DNAH6: variants seen among roughly 807,000 people sequenced by gnomAD.
DNAH6 encodes the protein axonemal beta dynein heavy chain 6.
In DNAH6, 340 loss-of-function variants were observed where a neutral mutation model predicts 491.4. That is an observed-to-expected ratio of 0.69 (90% CI 0.63 to 0.76). DNAH6 has a LOEUF of 0.76. DNAH6 is among the 30% of genes least tolerant of loss of function. DNAH6 has a pLI of 0.00. For synonymous variants in DNAH6, 1,603 were observed against 1,686.1 expected (o/e 0.95, Z 1.21); for missense variants, 4,443 against 4,972.2 (o/e 0.89, Z 3.20).
chr2:84,603,055 T>A (rs563026903), intron 18 of DNAH6, among the ~76,000 whole-genome samples: 6 of 152,168 alleles, frequency 3.9e-5, no homozygotes, highest in Admixed American at 6.6e-5. Context: ...TAATCATAGT[T>A]ATTTTTAATT....
At position 84,728,666 on chromosome 2, in the gene DNAH6, A is replaced by T. The variant is rs1460309011; in HGVS notation, c.10206+764A>T. Among the ~76,000 whole-genome samples, 13 of 152,276 alleles carry T rather than the reference A, an allele frequency of 8.5e-5. No individual in the cohort carries two copies. In the East Asian group the frequency reaches 1.9e-3, roughly 23 times the overall value. On this transcript the variant is annotated intron_variant, in intron 61 of 76. Coordinates refer to ENST00000389394, the MANE Select transcript of DNAH6 (RefSeq NM_001370.2). Reference sequence around the variant, plus strand: ...AACCATGACCCTCTCTTGCCTGGAGATGTATCTCATTATAAAGCATGGGAA... The same window carrying T: ...AACCATGACCCTCTCTTGCCTGGAGTTGTATCTCATTATAAAGCATGGGAA...
chr2:84,633,869 T>C (rs192383283), intron 29 of DNAH6, among the ~76,000 whole-genome samples: 2 of 152,286 alleles, frequency 1.3e-5, no homozygotes, highest in African/African-American at 2.4e-5. Flanking sequence ...ATGTGTTCAG[T>C]TGACCACCTT....
intron 11 of DNAH6, among the ~76,000 whole-genome samples, chr2:84,570,895 G>A (rs758053785): frequency 1.7e-4 from 26 of 152,102 alleles, no homozygotes; most frequent in Non-Finnish European, 2.9e-4. Flanking sequence ...GAAGGTCTGC[G>A]GCTTCACTAA....
chr2:84,810,527 A>C lies in DNAH6; in HGVS notation c.11740-1814A>C, dbSNP rs530309606. The stretch of plus-strand genomic sequence containing the variant: ...TCAGAAGGGAGGTGCTCACCACGGC[A>C]TGCTGTAATTGCCAGAGGCCTTCCT... On this transcript the variant is annotated intron_variant, in intron 72 of 76. Transcript: ENST00000389394. 2.6e-5 allele frequency among the ~76,000 whole-genome samples: 4 copies of C among 152,354 alleles called. No homozygotes were observed. In the South Asian group the frequency reaches 8.3e-4, roughly 32 times the overall value.
intron 29 of DNAH6, among the ~76,000 whole-genome samples, chr2:84,627,821 T>C (rs1261509797): frequency 6.6e-6 from 1 of 152,204 alleles, no homozygotes; most frequent in Non-Finnish European, 1.5e-5. Flanking sequence ...TTCTCTTGCT[T>C]GTTGCTAATT....
At chr2:84,553,355 TTTTCTTTTCTTTTC>T (rs1358343188) in intron 10 of DNAH6, among the ~76,000 whole-genome samples, 28 of 33,816 alleles carry the variant, frequency 8.3e-4, no homozygotes, top group Admixed American at 5.0e-3. Flanking sequence ...CTTTCTTTTC[TTTTCTTTTCTTTTC>T]TTTCTTTCTT....
chr2:84,804,612 TAA>T (rs914486793), intron 70 of DNAH6, among the ~76,000 whole-genome samples: 1 of 151,926 alleles, frequency 6.6e-6, no homozygotes, highest in Non-Finnish European at 1.5e-5. Flanking sequence ...TTTCTAATTT[TAA>T]AAAAAAGTTA....
intron 4 of DNAH6, among the ~76,000 whole-genome samples, chr2:84,541,180 A>G (rs1338415536): frequency 6.6e-6 from 1 of 152,114 alleles, no homozygotes; most frequent in Non-Finnish European, 1.5e-5. Flanking sequence ...TCGTGGTTCA[A>G]CTCCTGAAAT....
intron 63 of DNAH6, among the ~76,000 whole-genome samples, chr2:84,746,504 A>G (rs771148082): frequency 6.6e-6 from 1 of 152,230 alleles, no homozygotes; most frequent in Non-Finnish European, 1.5e-5. Context: ...GCATTTAGAT[A>G]TAATTCCTAA....
At chr2:84,493,776 T>C in the DNAH6 span, among the ~76,000 whole-genome samples, 1 of 152,144 alleles carries the variant, frequency 6.6e-6, no homozygotes, top group Non-Finnish European at 1.5e-5. Context: ...GGGACATCCT[T>C]GGTAGACACA....
rs1680826866 is a variant in DNAH6 at position 84,819,540 on chromosome 2, A to G, written c.*132A>G. On this transcript the variant is annotated 3_prime_UTR_variant, in exon 77 of 77. Transcript: ENST00000389394. ...TTGACTTAAACGTATTGTGACTTTT[A>G]TTTCTCTTATGACCTTAAAATAAAG... is the stretch of plus-strand genomic sequence containing the variant. 2 of 565,680 alleles carry G rather than the reference A, an allele frequency of 3.5e-6. No individual in the cohort carries two copies. The highest frequency in any genetic ancestry group is 6.1e-6 in the Non-Finnish European group (2 of 328,464). 35.0% of individuals were successfully genotyped at this position (565,680 alleles called of 1,614,324 possible).
At chr2:84,811,240 C>T (rs928597765) in intron 72 of DNAH6, among the ~76,000 whole-genome samples, 1 of 152,250 alleles carries the variant, frequency 6.6e-6, no homozygotes, top group Non-Finnish European at 1.5e-5. Context: ...CGCTAAGATG[C>T]TGTGCATGTG....
chr2:84,621,477 T>C lies in DNAH6; in HGVS notation c.3997T>C (p.Leu1333=). Residue 1333 remains leucine (L), a synonymous_variant, in exon 26 of 77, where the codon TTG becomes CTG. Coordinates refer to ENST00000389394, the MANE Select transcript of DNAH6 (RefSeq NM_001370.2). ...TTCTCAAATTATGTGGTGCCGTGATTTGACTGAATGTCTGGAAACAGAACA... is the reference window on the plus strand; with the variant it reads ...TTCTCAAATTATGTGGTGCCGTGATCTGACTGAATGTCTGGAAACAGAACA... The part of the protein sequence containing the change: ...TVSQIMWCRD[L]TECLETEHSN... The C allele has an allele frequency of 6.5e-7, 1 of 1,539,104 alleles. No homozygotes were observed. Among genetic ancestry groups the C allele is most frequent in the South Asian group, 1.2e-5 (1 of 83,864 alleles).
At chr2:84,816,633 G>C (rs1488844459) in intron 76 of DNAH6, among the ~76,000 whole-genome samples, 1 of 152,200 alleles carries the variant, frequency 6.6e-6, no homozygotes, top group African/African-American at 2.4e-5. Context: ...TGAGGCAGGA[G>C]AATCACTTGA....
chr2:84,650,498 G>C (rs1394324081), intron 33 of DNAH6, among the ~76,000 whole-genome samples: 1 of 144,032 alleles, frequency 6.9e-6, no homozygotes, highest in East Asian at 2.0e-4. Flanking sequence ...TAGGCTCTCT[G>C]TATTTTTTTT....
At chr2:84,540,483 A>G (rs1678142869) in intron 4 of DNAH6, among the ~76,000 whole-genome samples, 2 of 152,174 alleles carry the variant, frequency 1.3e-5, no homozygotes. Context: ...AACAGATTGA[A>G]CTGCTATTTG....
At chr2:84,519,200 A>G (rs1014866262) in intron 2 of DNAH6, among the ~76,000 whole-genome samples, 1 of 151,930 alleles carries the variant, frequency 6.6e-6, no homozygotes, top group African/African-American at 2.4e-5. Context: ...CAATTTAGGC[A>G]GAGCTCAGTG....
At chr2:84,604,983 A>G (rs1025828374) in intron 19 of DNAH6, among the ~76,000 whole-genome samples, 5 of 152,216 alleles carry the variant, frequency 3.3e-5, no homozygotes, top group Admixed American at 6.5e-5. Flanking sequence ...CTGTCAAAGT[A>G]TATGTGTTAA....
intron 76 of DNAH6, among the ~76,000 whole-genome samples, chr2:84,818,039 A>G (rs1229951723): frequency 6.6e-6 from 1 of 152,230 alleles, no homozygotes; most frequent in Non-Finnish European, 1.5e-5. Context: ...GAAGCCTGGC[A>G]TAAAGAATTC....
Sources: allele counts gnomAD v4.1 joint callset (sites outside exome capture counted in the v4.1 genomes callset), GRCh38; gene constraint gnomAD v4.1.1; transcripts MANE v1.5; gene names NCBI Gene and HGNC (gene_info 2026-07-23, HGNC 2026-07-21).